Variants in DGKB observed in about 807,000 individuals in gnomAD.
DGKB encodes the protein 90 kDa diacylglycerol kinase.
Under a neutral mutation model 114.3 loss-of-function variants are expected in DGKB, and 67 were observed. That is an observed-to-expected ratio of 0.59 (90% CI 0.48 to 0.72). DGKB has a LOEUF of 0.72. Among genes scored for constraint, DGKB ranks in the 30% least tolerant of loss-of-function variants. The pLI is 0.00. For missense variants in DGKB, 907 were observed against 975.2 expected, an observed-to-expected ratio of 0.93 and a Z score of 0.93; for synonymous variants, 398 against 323.1, an observed-to-expected ratio of 1.23 and a Z score of -2.49.
At chr7:14,877,043 G>A (rs1006222454) in intron 1 of DGKB, among the ~76,000 whole-genome samples, 8 of 152,050 alleles carry the variant, frequency 5.3e-5, no homozygotes, top group African/African-American at 1.7e-4. Flanking sequence ...CTAAATATGT[G>A]GAAAATACAT....
chr7:14,690,910 A>G (rs1253680271), intron 9 of DGKB, among the ~76,000 whole-genome samples: 1 of 152,220 alleles, frequency 6.6e-6, no homozygotes, highest in Non-Finnish European at 1.5e-5. Context: ...AAAGCCATCC[A>G]AATTCTCAAT....
intron 1 of DGKB, among the ~76,000 whole-genome samples, chr7:14,867,709 T>C (rs1450751828): frequency 1.3e-5 from 2 of 152,196 alleles, no homozygotes; most frequent in Non-Finnish European, 2.9e-5. Flanking sequence ...TAATATATCG[T>C]AAAACTAATT....
At chr7:14,469,675 AT>A (rs1780984941) in intron 21 of DGKB, among the ~76,000 whole-genome samples, 1 of 152,048 alleles carries the variant, frequency 6.6e-6, no homozygotes, top group Non-Finnish European at 1.5e-5. Context: ...GTCCTGACTC[AT>A]TTAACCATTC....
chr7:14,203,887 A>G (rs138287864), intron 23 of DGKB, among the ~76,000 whole-genome samples: 44 of 152,090 alleles, frequency 2.9e-4, no homozygotes, highest in African/African-American at 9.2e-4. Flanking sequence ...CTTGATGCCA[A>G]TTGACAGTCT....
In DGKB at chr7:14,153,397, AAAATAATTTTACTTTTATAAT is replaced by A. The variant is rs1782514374; in HGVS notation, c.2305-4180_2305-4160del. Among the ~76,000 whole-genome samples, 3 of 152,202 alleles carry A rather than the reference AAAATAATTTTACTTTTATAAT, an allele frequency of 2.0e-5. 1 individual carries two copies. In the South Asian group the frequency reaches 6.2e-4, roughly 32 times the overall value. On this transcript the variant is annotated intron_variant, in intron 25 of 25. Coordinates refer to ENST00000402815, the MANE Select transcript of DGKB (RefSeq NM_001350709.2). ...TGTACCTGCTATTGAAATTATTTTA[AAAATAATTTTACTTTTATAAT>A]GTCTAATTTTGGCCTCCTAACAACT... is the stretch of plus-strand genomic sequence containing the variant.
intron 3 of DGKB, among the ~76,000 whole-genome samples, chr7:14,756,714 A>G (rs1368758573): frequency 6.6e-6 from 1 of 151,932 alleles, no homozygotes; most frequent in Non-Finnish European, 1.5e-5. Flanking sequence ...ATATTGAAAG[A>G]TAACTAAGAA....
intron 2 of DGKB, among the ~76,000 whole-genome samples, chr7:14,832,834 A>G (rs943405212): frequency 2.6e-5 from 4 of 151,996 alleles, no homozygotes; most frequent in African/African-American, 9.7e-5. Context: ...ACTACTCACA[A>G]TGCAAAGGCA....
intron 20 of DGKB, among the ~76,000 whole-genome samples, chr7:14,568,418 T>C (rs539132685): frequency 1.3e-5 from 2 of 152,158 alleles, no homozygotes; most frequent in African/African-American, 4.8e-5. Context: ...CTTACAATTA[T>C]GTGCAGGCAA....
Position 14,211,414 on chromosome 7 carries a change from ATGTTTTGTGATTTTACTCTCG to A in DGKB, c.2123-33284_2123-33264del, listed in dbSNP as rs1562628485. Among the ~76,000 whole-genome samples, 108 of 45,900 alleles carry A rather than the reference ATGTTTTGTGATTTTACTCTCG, an allele frequency of 2.4e-3. 7 individuals carry two copies. Among genetic ancestry groups the A allele is most frequent in the African/African-American group, 0.015 (100 of 6,796 alleles). The allele number at this position is 45,900 out of a possible 152,430, so 30.1% of individuals were successfully genotyped here. A position where few individuals can be genotyped will look rare whatever the true frequency, so the allele number is the denominator to read the frequency against. On this transcript the variant is annotated intron_variant, in intron 23 of 25. Coordinates refer to ENST00000402815, the MANE Select transcript of DGKB (RefSeq NM_001350709.2). ...CTCATGTTTTGTGATATTTACTCTCATGTTTTGTGATTTTACTCTCGTGTTTTGTGATATTTACTCTCATGT... is the reference window on the plus strand; with the variant it reads ...CTCATGTTTTGTGATATTTACTCTCATGTTTTGTGATATTTACTCTCATGT...
At chr7:14,597,826 ATG>A (rs144594157) in intron 17 of DGKB, among the ~76,000 whole-genome samples, 1 of 151,394 alleles carries the variant, frequency 6.6e-6, no homozygotes, top group Middle Eastern at 3.5e-3. Flanking sequence ...AATAATTTAC[ATG>A]TGTGTGTGTG....
intron 23 of DGKB, chr7:14,209,481 C>T (rs948240143): frequency 2.1e-6 from 1 of 487,332 alleles, no homozygotes; most frequent in Non-Finnish European, 4.3e-6. Context: ...ATCTTGTCTC[C>T]TTCCAAAGGT....
intron 21 of DGKB, among the ~76,000 whole-genome samples, chr7:14,374,130 G>A (rs1314956518): frequency 1.3e-5 from 2 of 151,916 alleles, no homozygotes; most frequent in Admixed American, 1.3e-4. Flanking sequence ...AACACTTCCC[G>A]AACTGCAATC....
At chr7:14,460,441 C>A (rs1228224451) in intron 21 of DGKB, among the ~76,000 whole-genome samples, 1 of 146,516 alleles carries the variant, frequency 6.8e-6, no homozygotes, top group African/African-American at 2.5e-5. Context: ...AAAAAAAAAC[C>A]AGGGATTGCA....
chr7:14,511,436 C>T (rs555115113), intron 20 of DGKB, among the ~76,000 whole-genome samples: 1 of 152,310 alleles, frequency 6.6e-6, no homozygotes, highest in East Asian at 1.9e-4. Context: ...AGCTTCCTCA[C>T]CTCTCTTAGC....
chr7:14,650,588 T>C lies in DGKB; in HGVS notation c.1135-20320A>G, dbSNP rs929860111. Reference sequence around the variant, plus strand: ...AGCCTAACATCACAATTAAAAGAACTAGAAAAGCAAGAGCAAACACATTCA... The same window carrying C: ...AGCCTAACATCACAATTAAAAGAACCAGAAAAGCAAGAGCAAACACATTCA... On this transcript the variant is annotated intron_variant, in intron 13 of 25. Coordinates refer to ENST00000402815, the MANE Select transcript of DGKB (RefSeq NM_001350709.2). 7.9e-3 allele frequency among the ~76,000 whole-genome samples: 680 copies of C among 86,330 alleles called. 13 individuals carry two copies. Among genetic ancestry groups the C allele is most frequent in the African/African-American group, 0.032 (657 of 20,674 alleles). 56.6% of individuals were successfully genotyped at this position (86,330 alleles called of 152,430 possible). A position where few individuals can be genotyped will look rare whatever the true frequency, so the allele number is the denominator to read the frequency against.
intron 23 of DGKB, among the ~76,000 whole-genome samples, chr7:14,323,019 A>G (rs975002514): frequency 3.3e-5 from 5 of 152,176 alleles, no homozygotes; most frequent in Non-Finnish European, 7.4e-5. Flanking sequence ...ACATGCACAT[A>G]CCTTATGACC....
chr7:14,335,583 G>C (rs1810504652), intron 23 of DGKB, among the ~76,000 whole-genome samples: 1 of 152,146 alleles, frequency 6.6e-6, no homozygotes, highest in African/African-American at 2.4e-5. Context: ...TTCTAACAGT[G>C]AAAGTTATTA....
At chr7:14,222,164 C>G (rs544602272) in intron 23 of DGKB, among the ~76,000 whole-genome samples, 1 of 150,698 alleles carries the variant, frequency 6.6e-6, no homozygotes, top group East Asian at 2.0e-4. Context: ...CTGCCTTAAT[C>G]TTTGTTTTTT....
At chr7:14,332,787 GAA>G (rs1311220966) in intron 23 of DGKB, among the ~76,000 whole-genome samples, 1 of 152,136 alleles carries the variant, frequency 6.6e-6, no homozygotes, top group Non-Finnish European at 1.5e-5. Context: ...TCTGCCCGAA[GAA>G]AAGAGTATCA....
Sources: allele counts gnomAD v4.1 joint callset (sites outside exome capture counted in the v4.1 genomes callset), GRCh38; gene constraint gnomAD v4.1.1; transcripts MANE v1.5; gene names NCBI Gene and HGNC (gene_info 2026-07-23, HGNC 2026-07-21).